The following STK26 variants were observed in gnomAD, a reference collection of about 807,000 sequenced individuals.
STK26 encodes serine/threonine-protein kinase 26.
STK26 carries 14 observed loss-of-function variants against 34.7 expected under a neutral mutation model. That is an observed-to-expected ratio of 0.40 (90% confidence interval 0.27 to 0.63). The LOEUF (loss-of-function observed/expected upper bound fraction) is 0.63, where lower values mean the gene tolerates loss of function less well. Ranked by LOEUF, STK26 falls within the 30% of genes least tolerant of loss-of-function variation. The probability of loss-of-function intolerance (pLI) is 0.38; values close to 1 mark genes in which losing one functional copy is unlikely to be tolerated. For synonymous variants in STK26, 100 were observed against 109.8 expected (o/e 0.91, Z 0.56); for missense variants, 226 against 309.1 (o/e 0.73, Z 2.02).
chrX:132,074,153 C>T lies in STK26; in HGVS notation c.1245C>T (p.Ser415=), dbSNP rs749858035. 1 of 1,202,202 alleles carries T rather than the reference C, an allele frequency of 8.3e-7. No individual in the cohort carries two copies. The change falls in exon 12 of 12, where the codon TCC becomes TCT. Residue 415 remains serine, a synonymous_variant. Coordinates refer to ENST00000394334, the MANE Select transcript of STK26 (RefSeq NM_016542.4). ...TTTATAGGTGTTCAGCAGACGAATC[C>T]CCCTAAGAAACTTATTATTGGCTTC... ...EKFQKCSADE[S]P
intron 2 of STK26, among the ~76,000 whole-genome samples, chrX:132,026,611 A>G (rs1210745686): frequency 8.9e-6 from 1 of 112,496 alleles, no homozygotes; most frequent in African/African-American, 3.2e-5. Flanking sequence ...AGTTTAAGAT[A>G]TTTCCCCTTA....
Position 132,037,769 on chromosome X carries a change from C to CTTTTTTTTTTTTTTTTTTTTTTTTTT in STK26, c.42+14133_42+14134insTTTTTTTTTTTTTTTTTTTTTTTTTT, listed in dbSNP as rs755403402. On this transcript the variant is annotated intron_variant, in intron 2 of 11. Transcript: ENST00000394334. Reference sequence around the variant, plus strand: ...ACAAAGTCTTGTAACCGGAGAGCTGCTTTTTTTTTTTTTTTTTTTTTTTAA... The same window carrying CTTTTTTTTTTTTTTTTTTTTTTTTTT: ...ACAAAGTCTTGTAACCGGAGAGCTGCTTTTTTTTTTTTTTTTTTTTTTTTTTTTTTTTTTTTTTTTTTTTTTTTTAA... 1.5e-4 allele frequency among the ~76,000 whole-genome samples: 8 copies of CTTTTTTTTTTTTTTTTTTTTTTTTTT among 51,860 alleles called. 1 individual carries two copies. The highest frequency in any genetic ancestry group is 4.4e-4 in the African/African-American group (5 of 11,375). 45.0% of individuals were successfully genotyped at this position (51,860 alleles called of 115,157 possible). A position where few individuals can be genotyped will look rare whatever the true frequency, so the allele number is the denominator to read the frequency against.
intron 2 of STK26, among the ~76,000 whole-genome samples, chrX:132,040,902 A>G (rs926260182): frequency 1.8e-5 from 2 of 111,950 alleles, no homozygotes; most frequent in African/African-American, 6.5e-5. Context: ...GGTACCATCC[A>G]CCATAAAACA....
chrX:132,073,108 T>A lies in STK26; in HGVS notation c.1226+15T>A, dbSNP rs1262105481. On this transcript the variant is annotated intron_variant, in intron 11 of 11. Coordinates refer to ENST00000394334, the MANE Select transcript of STK26 (RefSeq NM_016542.4). The stretch of plus-strand genomic sequence containing the variant: ...AAATTTCAAAAGTAAGTTGGAAATG[T>A]CATTTTAAAAATTATTTTGCATTTT... 6.8e-6 allele frequency: 8 copies of A among 1,173,643 alleles called. No individual in the cohort carries two copies. In the South Asian group the frequency reaches 1.5e-4, roughly 22 times the overall value.
chrX:132,045,397 A>G (rs1926464812), intron 2 of STK26, among the ~76,000 whole-genome samples: 1 of 111,981 alleles, frequency 8.9e-6, no homozygotes, highest in African/African-American at 3.2e-5. Flanking sequence ...AAGGGGAACA[A>G]AGGGACTTGG....
In STK26 at chrX:132,074,396, G is replaced by C. The variant is rs1457416202; in HGVS notation, c.*237G>C. 2 of 300,456 alleles carry C rather than the reference G, an allele frequency of 6.7e-6. No individual in the cohort carries two copies. The highest frequency in any genetic ancestry group is 1.0e-4 in the East Asian group (2 of 19,680). 24.8% of individuals were successfully genotyped at this position (300,456 alleles called of 1,213,427 possible). On this transcript the variant is annotated 3_prime_UTR_variant, in exon 12 of 12. Transcript: ENST00000394334. Reference sequence around the variant, plus strand: ...TAGTTTCACCTGTATTCTAGTAAATGTTGAGACACCGTTTTGCTTTTAAGT... The same window carrying C: ...TAGTTTCACCTGTATTCTAGTAAATCTTGAGACACCGTTTTGCTTTTAAGT...
intron 2 of STK26, among the ~76,000 whole-genome samples, chrX:132,025,392 T>C (rs1187684009): frequency 1.8e-5 from 2 of 111,987 alleles, no homozygotes; most frequent in Non-Finnish European, 3.8e-5. Flanking sequence ...TTATTTTATT[T>C]GTCTTGAACT....
chrX:132,074,092 T>C, intron 11 of STK26, 43 bp from the exon 12 acceptor site: 1 of 1,133,818 alleles, frequency 8.8e-7, no homozygotes, highest in Non-Finnish European at 1.2e-6. Context: ...AATATAAACA[T>C]GCATAGTTGT....
chrX:132,072,716 A>G, intron 9 of STK26, 97 bp from the exon 10 acceptor site: 1 of 896,416 alleles, frequency 1.1e-6, no homozygotes. Context: ...TTTTGTTTTC[A>G]GTAGGGGATT....
chrX:132,060,624 CT>C (rs1301669892), intron 3 of STK26, among the ~76,000 whole-genome samples: 6 of 102,256 alleles, frequency 5.9e-5, no homozygotes, highest in African/African-American at 1.8e-4. Context: ...TTTTGTTTTG[CT>C]TTTTTTTTGT....
intron 4 of STK26, among the ~76,000 whole-genome samples, chrX:132,066,152 G>T (rs1295647023): frequency 4.5e-5 from 5 of 111,730 alleles, no homozygotes; most frequent in African/African-American, 6.5e-5. Flanking sequence ...TCCCATTCTT[G>T]AAAAACAATT....
chrX:132,069,854 T>C (rs1387327357), intron 7 of STK26, among the ~76,000 whole-genome samples, 191 bp downstream of exon 7: 4 of 110,753 alleles, frequency 3.6e-5, no homozygotes, highest in African/African-American at 1.3e-4. Flanking sequence ...CTTTTTCTCC[T>C]TACCCTTCGT....
At chrX:132,052,346 A>G (rs1292714954) in intron 2 of STK26, among the ~76,000 whole-genome samples, 1 of 111,595 alleles carries the variant, frequency 9.0e-6, no homozygotes, top group Non-Finnish European at 1.9e-5. Flanking sequence ...AAGTGAGGTT[A>G]TATTAGTGAA....
intron 4 of STK26, among the ~76,000 whole-genome samples, chrX:132,065,798 A>G (rs1927201534): frequency 8.9e-6 from 1 of 112,324 alleles, no homozygotes; most frequent in Non-Finnish European, 1.9e-5. Flanking sequence ...AAATTGAATC[A>G]GTAATCTCTA....
chrX:132,052,476 CTG>C, intron 2 of STK26, among the ~76,000 whole-genome samples: 1 of 112,013 alleles, frequency 8.9e-6, no homozygotes, highest in South Asian at 3.7e-4. Context: ...TTCTCTTTTT[CTG>C]TGTCTAACTT....
chrX:132,052,859 CAG>C (rs1446528745), intron 2 of STK26, among the ~76,000 whole-genome samples: 1 of 111,725 alleles, frequency 9.0e-6, no homozygotes, highest in Non-Finnish European at 1.9e-5. Flanking sequence ...ATCAGGAAAA[CAG>C]AAATATTTTT....
At chrX:132,064,043 C>T (rs766205196) in intron 4 of STK26, among the ~76,000 whole-genome samples, 15 of 111,363 alleles carry the variant, frequency 1.3e-4, no homozygotes, top group Non-Finnish European at 2.4e-4. Context: ...ACTTTCTTTC[C>T]ACCACGAGAG....
rs1927435293 is a variant in STK26 at position 132,072,145 on chromosome X, TGCATCATGAG to T, written c.933-122_933-113del. ...CTGAAGCTGAGATCAGATGCTTTTT[TGCATCATGAG>T]TTTTTAAACATTGGGACAATTATCC... On this transcript the variant is annotated intron_variant, in intron 8 of 11. Transcript: ENST00000394334. 5 of 525,333 alleles carry T rather than the reference TGCATCATGAG, an allele frequency of 9.5e-6. No individual in the cohort carries two copies. In the Admixed American group the frequency reaches 9.8e-5, roughly 10 times the overall value. 43.3% of individuals were successfully genotyped at this position (525,333 alleles called of 1,213,427 possible).
intron 2 of STK26, among the ~76,000 whole-genome samples, chrX:132,033,371 T>A (rs1279068084): frequency 8.9e-6 from 1 of 111,957 alleles, no homozygotes; most frequent in Non-Finnish European, 1.9e-5. Flanking sequence ...TACTACTAAG[T>A]ATGGTGACAG....
Sources: allele counts gnomAD v4.1 joint callset (sites outside exome capture counted in the v4.1 genomes callset), GRCh38; gene constraint gnomAD v4.1.1; transcripts MANE v1.5; gene names NCBI Gene and HGNC (gene_info 2026-07-23, HGNC 2026-07-21).